Variants in KCTD8 observed in about 807,000 individuals in gnomAD.
KCTD8 encodes BTB/POZ domain-containing protein KCTD8.
Under a neutral mutation model 31.5 loss-of-function variants are expected in KCTD8, and 27 were observed. The observed-to-expected ratio is 0.86, with a 90% CI of 0.63 to 1.18. KCTD8 has a LOEUF of 1.18. Among genes scored for constraint, KCTD8 ranks in the 50% most tolerant of loss-of-function variants. KCTD8 has a pLI of 0.00. For synonymous variants in KCTD8, 290 were observed against 280.0 expected (o/e 1.04, Z -0.36); for missense variants, 658 against 647.7 (o/e 1.02, Z -0.17).
At chr4:44,303,805 CCTGT>C (rs1369499769) in intron 1 of KCTD8, among the ~76,000 whole-genome samples, 6 of 151,530 alleles carry the variant, frequency 4.0e-5, no homozygotes, top group Non-Finnish European at 8.8e-5. Flanking sequence ...AGAGTGAGAC[CCTGT>C]CTGAGAAAAA....
chr4:44,217,516 G>A lies in KCTD8; in HGVS notation c.962-42266C>T, dbSNP rs190248285. Among the ~76,000 whole-genome samples, 1,031 of 152,262 alleles carry A rather than the reference G, an allele frequency of 6.8e-3. 9 individuals are homozygous for A. Among genetic ancestry groups the A allele is most frequent in the Non-Finnish European group, 0.011 (723 of 68,016 alleles). The stretch of plus-strand genomic sequence containing the variant: ...TGTCAACTTGATTAGATTGAAGGAC[G>A]CCTAGATAGCTGGTGAAGTATTGTT... On this transcript the variant is annotated intron_variant, in intron 1 of 1. Transcript: ENST00000360029.
At chr4:44,280,190 C>T (rs1439417446) in intron 1 of KCTD8, among the ~76,000 whole-genome samples, 1 of 151,962 alleles carries the variant, frequency 6.6e-6, no homozygotes, top group East Asian at 1.9e-4. Context: ...CATGCCAAGG[C>T]CAAAGCACAC....
intron 1 of KCTD8, among the ~76,000 whole-genome samples, chr4:44,329,150 A>G (rs1718528877): frequency 6.6e-6 from 1 of 151,694 alleles, no homozygotes; most frequent in African/African-American, 2.4e-5. Flanking sequence ...TACTTCAAGA[A>G]TAAATCCTCC....
intron 1 of KCTD8, among the ~76,000 whole-genome samples, chr4:44,364,371 A>C (rs941953295): frequency 6.7e-6 from 1 of 150,110 alleles, no homozygotes; most frequent in African/African-American, 2.4e-5. Flanking sequence ...ATTGCAAATT[A>C]AAACAATGAG....
chr4:44,445,328 G>C (rs1328848707), intron 1 of KCTD8, among the ~76,000 whole-genome samples: 1 of 152,098 alleles, frequency 6.6e-6, no homozygotes, highest in Non-Finnish European at 1.5e-5. Context: ...CACTTCAAAA[G>C]AACAATATTT....
At chr4:44,417,345 A>G (rs1297789734) in intron 1 of KCTD8, among the ~76,000 whole-genome samples, 1 of 152,226 alleles carries the variant, frequency 6.6e-6, no homozygotes, top group Non-Finnish European at 1.5e-5. Context: ...TGTCTAAATT[A>G]TAGCTCACAG....
At chr4:44,273,543 G>A (rs543830730) in intron 1 of KCTD8, among the ~76,000 whole-genome samples, 1 of 151,874 alleles carries the variant, frequency 6.6e-6, no homozygotes, top group Non-Finnish European at 1.5e-5. Context: ...GAACCACTGG[G>A]AAAAAAGATG....
chr4:44,334,929 T>C (rs1459151132), intron 1 of KCTD8, among the ~76,000 whole-genome samples: 1 of 152,150 alleles, frequency 6.6e-6, no homozygotes, highest in Non-Finnish European at 1.5e-5. Context: ...TCAACATTTA[T>C]TGAACACTCA....
At chr4:44,376,160 C>A (rs913209882) in intron 1 of KCTD8, among the ~76,000 whole-genome samples, 1 of 152,078 alleles carries the variant, frequency 6.6e-6, no homozygotes, top group Non-Finnish European at 1.5e-5. Flanking sequence ...TTTTGTGGAC[C>A]GTGCATGTTC....
At chr4:44,381,946 T>C (rs1720076604) in intron 1 of KCTD8, among the ~76,000 whole-genome samples, 1 of 151,978 alleles carries the variant, frequency 6.6e-6, no homozygotes, top group Non-Finnish European at 1.5e-5. Context: ...TATTTCTTTC[T>C]AGCAACTCAA....
At chr4:44,392,622 T>C (rs1324803565) in intron 1 of KCTD8, among the ~76,000 whole-genome samples, 1 of 151,970 alleles carries the variant, frequency 6.6e-6, no homozygotes, top group South Asian at 2.1e-4. Context: ...CTCATAAAAG[T>C]ACCATAAAAA....
intron 1 of KCTD8, among the ~76,000 whole-genome samples, chr4:44,404,362 A>G (rs1213241864): frequency 6.6e-6 from 1 of 152,172 alleles, no homozygotes; most frequent in Non-Finnish European, 1.5e-5. Context: ...TATTTCTTCT[A>G]TGTACATAAG....
intron 1 of KCTD8, among the ~76,000 whole-genome samples, chr4:44,310,684 T>C (rs1717922694): frequency 6.6e-6 from 1 of 152,118 alleles, no homozygotes; most frequent in African/African-American, 2.4e-5. Context: ...GAATAAAACA[T>C]AATTAGTTAC....
chr4:44,193,815 T>C lies in KCTD8; in HGVS notation c.962-18565A>G, dbSNP rs1359791985. On this transcript the variant is annotated intron_variant, in intron 1 of 1. Transcript: ENST00000360029. Reference sequence around the variant, plus strand: ...GTTTCACTGTTAGGTTGCAATATCCTCTGACATGCATATTTCTGTGAATTC... The same window carrying C: ...GTTTCACTGTTAGGTTGCAATATCCCCTGACATGCATATTTCTGTGAATTC... Among the ~76,000 whole-genome samples, 3 of 152,160 alleles carry C rather than the reference T, an allele frequency of 2.0e-5. No individual in the cohort carries two copies. In the East Asian group the frequency reaches 5.8e-4, roughly 29 times the overall value.
chr4:44,362,132 A>C (rs145122351), intron 1 of KCTD8, among the ~76,000 whole-genome samples: 91 of 152,276 alleles, frequency 6.0e-4, no homozygotes, highest in African/African-American at 2.0e-3. Flanking sequence ...ACAGAAACAG[A>C]AAAGCCAAAC....
intron 1 of KCTD8, among the ~76,000 whole-genome samples, chr4:44,350,743 T>C (rs1719174478): frequency 6.6e-6 from 1 of 152,272 alleles, no homozygotes; most frequent in South Asian, 2.1e-4. Flanking sequence ...CAATGTAAAA[T>C]GGCATTTAAT....
intron 1 of KCTD8, among the ~76,000 whole-genome samples, chr4:44,438,876 T>C (rs1213471341): frequency 6.6e-6 from 1 of 152,196 alleles, no homozygotes; most frequent in Non-Finnish European, 1.5e-5. Flanking sequence ...CTGATACCAT[T>C]CTAACTGTGG....
chr4:44,282,974 C>G (rs1716940598), intron 1 of KCTD8, among the ~76,000 whole-genome samples: 1 of 151,546 alleles, frequency 6.6e-6, no homozygotes, highest in African/African-American at 2.4e-5. Flanking sequence ...GCAAGTCATT[C>G]AGAATATCCA....
intron 1 of KCTD8, among the ~76,000 whole-genome samples, chr4:44,427,772 A>G (rs1395436564): frequency 6.6e-6 from 1 of 151,806 alleles, no homozygotes; most frequent in South Asian, 2.1e-4. Flanking sequence ...CATACGAGTA[A>G]GTTTATATCA....
Sources: allele counts gnomAD v4.1 joint callset (sites outside exome capture counted in the v4.1 genomes callset), GRCh38; gene constraint gnomAD v4.1.1; transcripts MANE v1.5; gene names NCBI Gene and HGNC (gene_info 2026-07-23, HGNC 2026-07-21).